The following KCNAB2 variants were observed in gnomAD, a reference collection of about 807,000 sequenced individuals.
The protein encoded by KCNAB2 is voltage-gated potassium channel subunit beta-2.
In KCNAB2, 29 loss-of-function variants were observed where a neutral mutation model predicts 63.6. The observed-to-expected ratio is 0.46, with a 90% confidence interval of 0.34 to 0.62. The LOEUF is 0.62. Ranked by LOEUF, KCNAB2 falls within the 20% of genes least tolerant of loss-of-function variation. KCNAB2 has a pLI of 0.01. For missense variants in KCNAB2, 359 were observed against 563.9 expected (o/e 0.64, Z 3.68); for synonymous variants, 222 against 224.2 (o/e 0.99, Z 0.09).
chr1:6,096,707 G>A lies in KCNAB2; in HGVS notation c.1020G>A (p.Leu340=), dbSNP rs538893523. 14 of 1,600,822 alleles carry A rather than the reference G, an allele frequency of 8.7e-6. No homozygotes were observed. In the Admixed American group the frequency reaches 1.4e-4, roughly 16 times the overall value. ...GRRQQAKLKE[L]QAIAERLGCT... ...GCCAGCAAGCCAAGCTGAAGGAGCTGCAGGCCATCGCCGAGCGCCTGGGCT... is the reference window on the plus strand; with the variant it reads ...GCCAGCAAGCCAAGCTGAAGGAGCTACAGGCCATCGCCGAGCGCCTGGGCT... Residue 340 remains leucine (L), a synonymous_variant, in exon 14 of 16, where the codon CTG becomes CTA. Transcript: ENST00000378083. This position sits in a 1 kb window ranked among gnomAD's most constrained non-coding sequence, Gnocchi z 5.9.
At chr1:6,066,470 G>T (rs896195900) in intron 2 of KCNAB2, among the ~76,000 whole-genome samples, 2 of 152,252 alleles carry the variant, frequency 1.3e-5, no homozygotes, top group African/African-American at 4.8e-5. Context: ...AATCCGGTCA[G>T]TGCTAAGTTT....
chr1:6,032,629 A>G (rs1180995701), upstream of KCNAB2, among the ~76,000 whole-genome samples: 5 of 151,956 alleles, frequency 3.3e-5, no homozygotes, highest in Non-Finnish European at 7.4e-5. Flanking sequence ...AGAAAGAAAG[A>G]AAAGGAAGGA....
At chr1:6,045,794 G>C (rs867331516), upstream of KCNAB2, 2 of 566,700 alleles carry the variant, frequency 3.5e-6, no homozygotes, top group African/African-American at 4.1e-5. This position sits in a 1 kb window ranked among gnomAD's most constrained non-coding sequence, Gnocchi z 4.8. Context: ...TGTGTTTCTG[G>C]CACGCGGGGA....
chr1:6,013,369 G>C (rs982745810), intron 1 of KCNAB2, among the ~76,000 whole-genome samples: 3 of 152,152 alleles, frequency 2.0e-5, no homozygotes, highest in African/African-American at 7.2e-5. Context: ...TCTCCGAAGA[G>C]ATGAAATTTG....
chr1:6,096,155 G>A lies in KCNAB2; in HGVS notation c.949-481G>A, dbSNP rs751670484. ...TCAGCACTGGGGCCCACAGCCCTGG[G>A]TTCCAGGGCAACGTGGCCTGGCCCC... is the stretch of plus-strand genomic sequence containing the variant. On this transcript the variant is annotated intron_variant, in intron 13 of 15. Coordinates refer to ENST00000378083, the MANE Select transcript of KCNAB2 (RefSeq NM_001199862.2). This position sits in a 1 kb window ranked among gnomAD's most constrained non-coding sequence, Gnocchi z 5.9. 2.4e-5 allele frequency: 11 copies of A among 457,582 alleles called. No homozygotes were observed. In the East Asian group the frequency reaches 7.6e-4, roughly 32 times the overall value. 28.3% of individuals were successfully genotyped at this position (457,582 alleles called of 1,614,324 possible).
upstream of KCNAB2, among the ~76,000 whole-genome samples, chr1:6,030,603 CTG>C (rs201740052): frequency 6.8e-6 from 1 of 147,774 alleles, no homozygotes; most frequent in Non-Finnish European, 1.5e-5. Flanking sequence ...GTGTATGTAT[CTG>C]TATGTGTGTA....
chr1:6,006,834 A>G (rs1349528006), intron 1 of KCNAB2, among the ~76,000 whole-genome samples: 1 of 149,998 alleles, frequency 6.7e-6, no homozygotes, highest in Non-Finnish European at 1.5e-5. Context: ...AGTGGAACCA[A>G]TCTTTCCCCT....
intron 2 of KCNAB2, among the ~76,000 whole-genome samples, chr1:6,070,208 G>A (rs1274139495): frequency 1.3e-5 from 2 of 152,182 alleles, no homozygotes; most frequent in African/African-American, 2.4e-5. Flanking sequence ...CGTTCTGAGG[G>A]CATTCGTATC....
intron 2 of KCNAB2, among the ~76,000 whole-genome samples, chr1:6,062,093 G>T (rs1465831322): frequency 6.6e-6 from 1 of 151,880 alleles, no homozygotes; most frequent in Non-Finnish European, 1.5e-5. Context: ...CAGGCGGATC[G>T]CCTGAGGTCG....
At chr1:6,001,285 G>A (rs1436092518) in intron 1 of KCNAB2, among the ~76,000 whole-genome samples, 1 of 145,862 alleles carries the variant, frequency 6.9e-6, no homozygotes, top group Non-Finnish European at 1.5e-5. Context: ...TGCTCCAGCT[G>A]CATGTGATCA....
intron 1 of KCNAB2, among the ~76,000 whole-genome samples, chr1:6,014,571 C>T (rs759478880): frequency 6.6e-5 from 10 of 152,230 alleles, no homozygotes; most frequent in African/African-American, 2.2e-4. Flanking sequence ...CTGCGTGGCT[C>T]GGCCAGCTGT....
At chr1:6,092,401 G>T (rs374567382) in intron 10 of KCNAB2, among the ~76,000 whole-genome samples, 1 of 152,250 alleles carries the variant, frequency 6.6e-6, no homozygotes, top group Non-Finnish European at 1.5e-5. Context: ...AAGGGGCGCC[G>T]CAGGGCAGCA....
At chr1:6,061,536 A>G (rs1662319656) in intron 2 of KCNAB2, among the ~76,000 whole-genome samples, 1 of 152,324 alleles carries the variant, frequency 6.6e-6, no homozygotes, top group East Asian at 1.9e-4. Context: ...TGGGCTGGAC[A>G]ATTCTCTGTC....
At chr1:6,091,024 C>T (rs1449009331) in intron 9 of KCNAB2, among the ~76,000 whole-genome samples, 1 of 152,228 alleles carries the variant, frequency 6.6e-6, no homozygotes, top group Non-Finnish European at 1.5e-5. Context: ...CTACAGGCGT[C>T]TTTCCATGTG....
chr1:6,059,584 AC>A (rs1042586439), intron 2 of KCNAB2, among the ~76,000 whole-genome samples: 12 of 152,184 alleles, frequency 7.9e-5, no homozygotes, highest in African/African-American at 2.6e-4. Context: ...AGGGAGCACC[AC>A]CCATGTGCTG....
At chr1:6,085,958 G>C in intron 6 of KCNAB2, 1 of 985,478 alleles carries the variant, frequency 1.0e-6, no homozygotes, top group Non-Finnish European at 1.2e-6. Context: ...CCCAAAGGTC[G>C]CAGATCGGGG....
At chr1:6,021,743 GTGGTATTGAGTGTACAGTTCAA>G (rs1658833834) in intron 1 of KCNAB2, among the ~76,000 whole-genome samples, 2 of 150,388 alleles carry the variant, frequency 1.3e-5, no homozygotes, top group Non-Finnish European at 3.0e-5. Flanking sequence ...GTGTAGTTCG[GTGGTATTGAGTGTACAGTTCAA>G]TGGTATTGAG....
upstream of KCNAB2, among the ~76,000 whole-genome samples, chr1:6,032,584 A>AAG (rs529744894): frequency 1.1e-4 from 16 of 150,364 alleles, no homozygotes; most frequent in South Asian, 2.1e-4. Flanking sequence ...AAAAAAAAAA[A>AAG]AGAGAGAGAG....
chr1:6,006,786 A>G lies in KCNAB2; in HGVS notation c.-53+13998A>G, dbSNP rs375214266. On this transcript the variant is annotated intron_variant, in intron 1 of 16. Coordinates refer to the KCNAB2 transcript ENST00000341524. ...AGTGCTCTGTCAGAAGCGCTACCTG[A>G]CCACATCCCTCCTCTGGGCTCTGAG... Among the ~76,000 whole-genome samples, 25 of 144,932 alleles carry G rather than the reference A, an allele frequency of 1.7e-4. No homozygotes were observed. The South Asian group carries it at 5.6e-3, about 32-fold the overall frequency.
Sources: gnomAD v4.1 joint callset for allele counts (sites outside exome capture counted in the v4.1 genomes callset) on GRCh38, gnomAD v4.1.1 for gene constraint, Gnocchi (gnomAD v3.1) non-coding constraint, MANE v1.5 for transcripts, NCBI Gene and HGNC (gene_info 2026-07-23, HGNC 2026-07-21) for gene names.